The following TMEM132D variants were observed in gnomAD, a reference collection of about 807,000 sequenced individuals.
TMEM132D encodes the protein transmembrane protein 132D.
Under a neutral mutation model 62.3 loss-of-function variants are expected in TMEM132D, and 21 were observed. The ratio of observed to expected loss-of-function variants is 0.34; its 90% confidence interval spans 0.24 to 0.49. The LOEUF is 0.49. Ranked by LOEUF, TMEM132D falls within the 20% of genes least tolerant of loss-of-function variation. The pLI, the probability that TMEM132D is intolerant of heterozygous loss-of-function variation, is 0.99. For synonymous variants in TMEM132D, 621 were observed against 575.6 expected (o/e 1.08, Z -1.13); for missense variants, 1,346 against 1,402.8 (o/e 0.96, Z 0.65).
intron 5 of TMEM132D, among the ~76,000 whole-genome samples, chr12:129,090,455 AGG>A (rs1874871191): frequency 6.6e-6 from 1 of 152,190 alleles, no homozygotes; most frequent in Non-Finnish European, 1.5e-5. Context: ...ACCTGAGGTC[AGG>A]AGTTCGAGAC....
Position 129,494,485 on chromosome 12 carries a change from C to T in TMEM132D, c.1115+36574G>A, listed in dbSNP as rs73429777. Among the ~76,000 whole-genome samples, 1,473 of 152,264 alleles carry T rather than the reference C, an allele frequency of 9.7e-3. 27 individuals are homozygous for T. Among genetic ancestry groups the T allele is most frequent in the African/African-American group, 0.033 (1,389 of 41,548 alleles). ...CATGCATCCAATTTTCTTAACATTA[C>T]AAGCATATGCCTGCCATGTTGACAG... On this transcript the variant is annotated intron_variant, in intron 3 of 8. Transcript: ENST00000422113.
At chr12:129,629,396 C>A (rs1565928985) in intron 2 of TMEM132D, among the ~76,000 whole-genome samples, 1 of 152,186 alleles carries the variant, frequency 6.6e-6, no homozygotes, top group Non-Finnish European at 1.5e-5. Flanking sequence ...AGCATCTAGT[C>A]CAGTGTCTGA....
intron 4 of TMEM132D, among the ~76,000 whole-genome samples, chr12:129,295,766 C>T (rs1881559186): frequency 6.6e-6 from 1 of 152,042 alleles, no homozygotes; most frequent in African/African-American, 2.4e-5. Context: ...TGCATATAAC[C>T]TTTGTACATC....
At chr12:129,231,226 G>C (rs766120635) in intron 4 of TMEM132D, among the ~76,000 whole-genome samples, 7 of 152,200 alleles carry the variant, frequency 4.6e-5, no homozygotes, top group Non-Finnish European at 1.0e-4. Context: ...ACGTGTCCTT[G>C]AACATAACAC....
At chr12:129,645,171 GA>G (rs1879741741) in intron 2 of TMEM132D, among the ~76,000 whole-genome samples, 1 of 152,062 alleles carries the variant, frequency 6.6e-6, no homozygotes. Flanking sequence ...AGGAGAGATT[GA>G]GAGTCCGATA....
chr12:129,327,816 G>A lies in TMEM132D; in HGVS notation c.1299+9818C>T, dbSNP rs546046128. ...ATCTGATCTCCTCATAGCATTCAGAGTGATATTAAAAAATAAATCATGATC... is the reference window on the plus strand; with the variant it reads ...ATCTGATCTCCTCATAGCATTCAGAATGATATTAAAAAATAAATCATGATC... On this transcript the variant is annotated intron_variant, in intron 4 of 8. Transcript: ENST00000422113. Among the ~76,000 whole-genome samples, 5 of 152,258 alleles carry A rather than the reference G, an allele frequency of 3.3e-5. No individual in the cohort carries two copies. The South Asian group carries it at 1.0e-3, about 32-fold the overall frequency.
chr12:129,663,037 C>A (rs771688483), intron 2 of TMEM132D, among the ~76,000 whole-genome samples: 2 of 152,248 alleles, frequency 1.3e-5, no homozygotes, highest in African/African-American at 2.4e-5. Flanking sequence ...GACTTTCAGT[C>A]GCCTGGTCTG....
chr12:129,107,868 T>TTA lies in TMEM132D; in HGVS notation c.1444-23168_1444-23167dup, dbSNP rs1555230273. On this transcript the variant is annotated intron_variant, in intron 5 of 8. Coordinates refer to ENST00000422113, the MANE Select transcript of TMEM132D (RefSeq NM_133448.3). ...CACCTGGCTAATTTTTTTTTTTTTT[T>TTA]TATTTGTAGAGATGGAGTTTCACCA... 5.6e-3 allele frequency among the ~76,000 whole-genome samples: 832 copies of TTA among 149,208 alleles called. 10 individuals are homozygous for TTA. The highest frequency in any genetic ancestry group is 0.017 in the African/African-American group (688 of 40,562).
At chr12:129,223,713 G>T (rs1461748840) in intron 4 of TMEM132D, among the ~76,000 whole-genome samples, 1 of 152,112 alleles carries the variant, frequency 6.6e-6, no homozygotes, top group Non-Finnish European at 1.5e-5. Flanking sequence ...GTTCATCTCT[G>T]GTGTTAGCTT....
Position 129,556,824 on chromosome 12 carries a change from C to T in TMEM132D, c.969-25619G>A, listed in dbSNP as rs527250756. On this transcript the variant is annotated intron_variant, in intron 2 of 8. Transcript: ENST00000422113. ...TGTGGATGGGGGTTCCCATATTAGACGGTGAAGTTAGAGAACACTGCCATC... is the reference window on the plus strand; with the variant it reads ...TGTGGATGGGGGTTCCCATATTAGATGGTGAAGTTAGAGAACACTGCCATC... Among the ~76,000 whole-genome samples the T allele has an allele frequency of 9.9e-5, 15 of 152,246 alleles. No homozygotes were observed. In the South Asian group the frequency reaches 2.1e-3, roughly 21 times the overall value.
chr12:129,487,698 C>T (rs745852262), intron 3 of TMEM132D, among the ~76,000 whole-genome samples: 12 of 151,660 alleles, frequency 7.9e-5, no homozygotes, highest in East Asian at 5.9e-4. Context: ...TTTGGGAGGC[C>T]GAGGCGGGCG....
intron 4 of TMEM132D, chr12:129,209,964 T>C (rs980367493): frequency 6.0e-6 from 2 of 331,498 alleles, no homozygotes; most frequent in Non-Finnish European, 1.1e-5. Flanking sequence ...GGCACCCTTG[T>C]AAGTGCTTTA....
chr12:129,370,586 T>C (rs1180063487), intron 3 of TMEM132D, among the ~76,000 whole-genome samples: 1 of 152,232 alleles, frequency 6.6e-6, no homozygotes, highest in Admixed American at 6.5e-5. Flanking sequence ...TTCACTCTTC[T>C]TCATAAAGAC....
chr12:129,259,626 G>A (rs1196462590), intron 4 of TMEM132D, among the ~76,000 whole-genome samples: 3 of 152,136 alleles, frequency 2.0e-5, no homozygotes, highest in Non-Finnish European at 2.9e-5. Flanking sequence ...TAGAGTCAGG[G>A]ATGGAGCTGG....
At chr12:129,262,044 A>G (rs1374726057) in intron 4 of TMEM132D, among the ~76,000 whole-genome samples, 1 of 152,136 alleles carries the variant, frequency 6.6e-6, no homozygotes, top group Non-Finnish European at 1.5e-5. Context: ...GGGGGCACCT[A>G]CAGAGGGATG....
intron 1 of TMEM132D, among the ~76,000 whole-genome samples, chr12:129,811,558 C>T (rs1039207667): frequency 1.3e-5 from 2 of 151,804 alleles, no homozygotes; most frequent in Non-Finnish European, 2.9e-5. Context: ...GACCAAATCC[C>T]AGGGCCTGTG....
At chr12:129,504,682 C>A (rs573853000) in intron 3 of TMEM132D, among the ~76,000 whole-genome samples, 3 of 152,008 alleles carry the variant, frequency 2.0e-5, no homozygotes, top group Non-Finnish European at 4.4e-5. Context: ...CTTTTTGTTT[C>A]ATTTATCTTT....
intron 2 of TMEM132D, among the ~76,000 whole-genome samples, chr12:129,630,589 T>C (rs1263504246): frequency 1.3e-5 from 2 of 152,176 alleles, no homozygotes; most frequent in Non-Finnish European, 2.9e-5. Context: ...ACCCAGAAAT[T>C]GCCATGATAT....
At position 129,227,300 on chromosome 12, in the gene TMEM132D, A is replaced by AATATATATATATAT. The variant is rs141108255; in HGVS notation, c.1300-17651_1300-17638dup. Among the ~76,000 whole-genome samples, 1,006 of 108,626 alleles carry AATATATATATATAT rather than the reference A, an allele frequency of 9.3e-3. 42 individuals carry two copies. The highest frequency in any genetic ancestry group is 0.026 in the African/African-American group (826 of 31,736). The allele number at this position is 108,626 out of a possible 152,430, so 71.3% of individuals were successfully genotyped here. A position where few individuals can be genotyped will look rare whatever the true frequency, so the allele number is the denominator to read the frequency against. The stretch of plus-strand genomic sequence containing the variant: ...ATCTGTCATCTGTCCTGCGTTAGGA[A>AATATATATATATAT]ATATATATATATATATATATATATA... On this transcript the variant is annotated intron_variant, in intron 4 of 8. Coordinates refer to ENST00000422113, the MANE Select transcript of TMEM132D (RefSeq NM_133448.3).
Sources: gnomAD v4.1 joint callset for allele counts (sites outside exome capture counted in the v4.1 genomes callset) on GRCh38, gnomAD v4.1.1 for gene constraint, MANE v1.5 for transcripts, NCBI Gene and HGNC (gene_info 2026-07-23, HGNC 2026-07-21) for gene names.